The following ZNF536 variants were observed in gnomAD, a reference collection of about 807,000 sequenced individuals.
ZNF536 encodes the protein zinc finger protein 536.
Under a neutral mutation model 84.5 loss-of-function variants are expected in ZNF536, and 13 were observed. The observed-to-expected ratio is 0.15, with a 90% CI of 0.10 to 0.24. The LOEUF is 0.24. ZNF536 is among the 10% of genes least tolerant of loss of function. ZNF536 has a pLI of 1.00. For synonymous variants in ZNF536, 811 were observed against 742.5 expected (o/e 1.09, Z -1.50); for missense variants, 1,536 against 1,747.5 (o/e 0.88, Z 2.16).
At chr19:30,412,620 G>A (rs1405868957) in intron 1 of ZNF536, among the ~76,000 whole-genome samples, 2 of 151,860 alleles carry the variant, frequency 1.3e-5, no homozygotes, top group Non-Finnish European at 1.5e-5. Context: ...GCTTCTAATA[G>A]AAAGTAGTAG....
intron 1 of ZNF536, among the ~76,000 whole-genome samples, chr19:30,238,526 A>G (rs1222717816): frequency 1.3e-5 from 2 of 152,140 alleles, no homozygotes; most frequent in African/African-American, 4.8e-5. Flanking sequence ...TGGTAGGGAC[A>G]TTATAAACTG....
chr19:30,569,511 C>T (rs1362200455), intron 1 of ZNF536, among the ~76,000 whole-genome samples: 1 of 150,160 alleles, frequency 6.7e-6, no homozygotes, highest in Non-Finnish European at 1.5e-5. Flanking sequence ...GGTGAGGAAG[C>T]CAACCTCCTC....
At chr19:30,322,004 G>A (rs2046874661) in intron 2 of ZNF536, among the ~76,000 whole-genome samples, 1 of 152,116 alleles carries the variant, frequency 6.6e-6, no homozygotes, top group Admixed American at 6.5e-5. Context: ...TCGAACTCCT[G>A]ATCTCGTGAT....
intron 2 of ZNF536, among the ~76,000 whole-genome samples, chr19:30,514,987 C>A (rs1250612479): frequency 6.6e-6 from 1 of 152,122 alleles, no homozygotes; most frequent in African/African-American, 2.4e-5. Context: ...GTGGCTCACA[C>A]CTGTAATCCC....
At chr19:30,700,342 TC>T (rs141484226) in intron 1 of ZNF536, among the ~76,000 whole-genome samples, 17,376 of 128,402 alleles carry the variant, frequency 0.14, 1,236 homozygotes, top group African/African-American at 0.19. Flanking sequence ...CCTCCCTCCC[TC>T]CCCCCTCCTT....
intron 1 of ZNF536, among the ~76,000 whole-genome samples, chr19:30,655,916 G>A (rs901730501): frequency 7.2e-5 from 11 of 152,116 alleles, no homozygotes; most frequent in Non-Finnish European, 1.5e-4. Context: ...GTGCACACCT[G>A]TAGTCCCAGC....
chr19:30,625,754 T>A (rs376185756), intron 1 of ZNF536, among the ~76,000 whole-genome samples: 9 of 152,352 alleles, frequency 5.9e-5, no homozygotes, highest in African/African-American at 2.2e-4. Flanking sequence ...TGCTTCCATG[T>A]TCTGGCTCCT....
At chr19:30,700,761 G>A (rs1339097705) in intron 1 of ZNF536, among the ~76,000 whole-genome samples, 2 of 152,144 alleles carry the variant, frequency 1.3e-5, no homozygotes, top group Non-Finnish European at 2.9e-5. Context: ...GTATCCAATT[G>A]ACCTATAGGG....
At chr19:30,501,800 C>G (rs1051125748) in intron 2 of ZNF536, among the ~76,000 whole-genome samples, 4 of 152,168 alleles carry the variant, frequency 2.6e-5, no homozygotes, top group Non-Finnish European at 5.9e-5. Flanking sequence ...CCCATTCATG[C>G]CTGAGGTTGC....
chr19:30,595,284 C>CT (rs918917290), intron 1 of ZNF536, among the ~76,000 whole-genome samples: 40 of 151,922 alleles, frequency 2.6e-4, no homozygotes, highest in African/African-American at 6.8e-4. Context: ...AATCACGGTT[C>CT]TTTTTTTTAA....
At chr19:30,519,969 C>T (rs1464311556) in intron 2 of ZNF536, among the ~76,000 whole-genome samples, 2 of 152,198 alleles carry the variant, frequency 1.3e-5, no homozygotes. Flanking sequence ...GCAGACCTGA[C>T]TTAGTCTGGA....
chr19:30,300,954 G>A (rs774447692), intron 2 of ZNF536, among the ~76,000 whole-genome samples: 16 of 152,216 alleles, frequency 1.1e-4, no homozygotes, highest in Non-Finnish European at 4.4e-5. Context: ...GACTATTTCT[G>A]CTGCTGCAAT....
At chr19:30,400,198 GTTTTTGGGTGAACGTAAGTTTATT>G (rs1184971500) in intron 1 of ZNF536, among the ~76,000 whole-genome samples, 2 of 151,980 alleles carry the variant, frequency 1.3e-5, no homozygotes, top group Non-Finnish European at 2.9e-5. Flanking sequence ...TGGCATACAG[GTTTTTGGGTGAACGTAAGTTTATT>G]TTTCTAATAT....
downstream of ZNF536, among the ~76,000 whole-genome samples, chr19:30,562,598 T>A (rs1426608031): frequency 6.6e-6 from 1 of 152,166 alleles, no homozygotes; most frequent in Non-Finnish European, 1.5e-5. Context: ...GAAGACTGTA[T>A]TTTTTATGAT....
chr19:30,518,000 G>T (rs995182140), intron 2 of ZNF536, among the ~76,000 whole-genome samples: 4 of 152,144 alleles, frequency 2.6e-5, no homozygotes, highest in Non-Finnish European at 5.9e-5. Flanking sequence ...CAGGTCCGCA[G>T]AGTTATCTAC....
rs781760260 is a variant in ZNF536 at position 30,549,267 on chromosome 19, G to T, written c.3648G>T (p.Gln1216His). Residue 1216 changes from glutamine (Q) to histidine (H), a missense_variant, in exon 4 of 5, where the codon CAG (glutamine) becomes CAT (histidine). Coordinates refer to ENST00000355537, the MANE Select transcript of ZNF536 (RefSeq NM_014717.3). Reference sequence around the variant, plus strand: ...GCCTGCAGCCCACAGGCACCTCCCAGCCCGTCCAGGGACTGGTCTCACCTT... The same window carrying T: ...GCCTGCAGCCCACAGGCACCTCCCATCCCGTCCAGGGACTGGTCTCACCTT... ...GDSLQPTGTS[Q>H]PVQGLVSPLS... is the part of the protein sequence containing the mutation. 3.7e-6 allele frequency: 6 copies of T among 1,613,890 alleles called. No individual in the cohort carries two copies. The highest frequency in any genetic ancestry group is 2.5e-6 in the Non-Finnish European group (3 of 1,180,046).
In ZNF536 at chr19:30,443,656, A is replaced by G. The variant is rs2148147669; in HGVS notation, c.94A>G (p.Met32Val). The change falls in exon 2 of 5, where the codon ATG (methionine) becomes GTG (valine). Residue 32 changes from methionine (M) to valine (V), a missense_variant. By Grantham distance (21) the Met-to-Val change is conservative. This residue lies in a region of ZNF536 where 161 missense variants were observed against 178.5 expected (regional missense o/e 0.90). Transcript: ENST00000355537. ...SGPVLNGQYAMSQKLHQITSQ... is the reference protein window; with the variant it reads ...SGPVLNGQYAVSQKLHQITSQ... ...CCCCGTCCTCAACGGCCAGTATGCC[A>G]TGAGTCAGAAGCTGCACCAGATCAC... 3 of 1,613,678 alleles carry G rather than the reference A, an allele frequency of 1.9e-6. No homozygotes were observed. The highest frequency in any genetic ancestry group is 2.5e-6 in the Non-Finnish European group (3 of 1,179,902).
At chr19:30,509,613 G>T (rs1028522215) in intron 2 of ZNF536, among the ~76,000 whole-genome samples, 3 of 151,624 alleles carry the variant, frequency 2.0e-5, no homozygotes, top group African/African-American at 7.3e-5. Context: ...TAGTAAAAAG[G>T]TTACTGTAGT....
chr19:30,280,231 C>T (rs749811267), intron 1 of ZNF536, among the ~76,000 whole-genome samples: 5 of 152,056 alleles, frequency 3.3e-5, no homozygotes, highest in Non-Finnish European at 7.4e-5. Flanking sequence ...CACCTTCAGA[C>T]CCTCTCTTTC....
Sources: gnomAD v4.1 joint callset for allele counts (sites outside exome capture counted in the v4.1 genomes callset) on GRCh38, gnomAD v4.1.1 for gene constraint, gnomAD v4.1.1 regional missense constraint, MANE v1.5 for transcripts, NCBI Gene and HGNC (gene_info 2026-07-23, HGNC 2026-07-21) for gene names.